Variants in RNF168 observed in about 807,000 individuals in gnomAD.
The protein encoded by RNF168 is ring finger protein 168.
In RNF168, 34 loss-of-function variants were observed where a neutral mutation model predicts 34.9. The observed-to-expected ratio is 0.97, with a 90% confidence interval of 0.74 to 1.30. RNF168 has a LOEUF of 1.30. Ranked by LOEUF, RNF168 falls within the 50% of genes most tolerant of loss-of-function variation. The pLI is 0.00. For synonymous variants in RNF168, 264 were observed against 254.7 expected (o/e 1.04, Z -0.35); for missense variants, 725 against 682.5 (o/e 1.06, Z -0.69).
At chr3:196,496,507 C>A (rs542224706) in intron 1 of RNF168, among the ~76,000 whole-genome samples, 4 of 152,260 alleles carry the variant, frequency 2.6e-5, no homozygotes, top group East Asian at 3.9e-4. Context: ...TGGATTAGGG[C>A]CCATTCTAAT....
intron 1 of RNF168, among the ~76,000 whole-genome samples, chr3:196,501,757 T>C (rs1052742057): frequency 1.3e-5 from 2 of 152,088 alleles, no homozygotes; most frequent in Non-Finnish European, 2.9e-5. Context: ...CCAAAAACCA[T>C]TAAATTGCAC....
intron 5 of RNF168, among the ~76,000 whole-genome samples, chr3:196,473,825 A>G (rs1732072817): frequency 1.1e-5 from 1 of 88,410 alleles, no homozygotes; most frequent in Non-Finnish European, 2.2e-5. Flanking sequence ...TAAACAAAAC[A>G]AAACAAACAA....
In RNF168 at chr3:196,493,855, A is replaced by T. The variant is rs1403120250; in HGVS notation, c.302-5172T>A. 7.4e-3 allele frequency among the ~76,000 whole-genome samples: 953 copies of T among 128,158 alleles called. 6 individuals carry two copies. Among genetic ancestry groups the T allele is most frequent in the African/African-American group, 0.024 (736 of 30,448 alleles). 84.1% of individuals were successfully genotyped at this position (128,158 alleles called of 152,430 possible). On this transcript the variant is annotated intron_variant, in intron 1 of 5. Coordinates refer to ENST00000318037, the MANE Select transcript of RNF168 (RefSeq NM_152617.4). ...GCTATTTCTTTCTTTTTTTAAATTT[A>T]TTTTTTTTTTTTTTTGAGACAGAGT...
In RNF168 at chr3:196,469,793, TTA is replaced by T. The variant is rs1731955909; in HGVS notation, c.*2024_*2025del. 6.6e-6 allele frequency: 1 copy of T among 152,180 alleles called. No homozygotes were observed. Among genetic ancestry groups the T allele is most frequent in the Non-Finnish European group, 1.5e-5 (1 of 68,032 alleles). 9.4% of individuals were successfully genotyped at this position (152,180 alleles called of 1,614,324 possible). A position where few individuals can be genotyped will look rare whatever the true frequency, so the allele number is the denominator to read the frequency against. ...AATGATCATATAAGAAAACACGTGG[TTA>T]TGTTTCAGGTTCCACAACATAAGAC... On this transcript the variant is annotated 3_prime_UTR_variant, in exon 6 of 6. Transcript: ENST00000318037.
chr3:196,494,272 G>A (rs1430868988), intron 1 of RNF168, among the ~76,000 whole-genome samples: 1 of 152,120 alleles, frequency 6.6e-6, no homozygotes, highest in Non-Finnish European at 1.5e-5. Flanking sequence ...CTTCAGTTCT[G>A]GTTAACTCTA....
rs369862987 is a variant in RNF168, at chr3:196,489,919, T to TA, written c.302-1237dup. 4.9e-3 allele frequency among the ~76,000 whole-genome samples: 744 copies of TA among 152,310 alleles called. 3 individuals carry two copies. Among genetic ancestry groups the TA allele is most frequent in the African/African-American group, 0.017 (701 of 41,564 alleles). On this transcript the variant is annotated intron_variant, in intron 1 of 5. Coordinates refer to ENST00000318037, the MANE Select transcript of RNF168 (RefSeq NM_152617.4). ...GCAGGTGCACACACGCATATTTCTT[T>TA]AAAGAAACAGATCTAGAGAGAGCCA... is the stretch of plus-strand genomic sequence containing the variant.
At chr3:196,481,492 G>C (rs1732288431) in intron 4 of RNF168, among the ~76,000 whole-genome samples, 2 of 151,748 alleles carry the variant, frequency 1.3e-5, no homozygotes, top group African/African-American at 4.8e-5. Flanking sequence ...TATGATATGT[G>C]ATGTAAGATT....
intron 4 of RNF168, among the ~76,000 whole-genome samples, chr3:196,477,809 C>T (rs980612761): frequency 6.6e-6 from 1 of 152,054 alleles, no homozygotes; most frequent in Admixed American, 6.6e-5. Flanking sequence ...CAGAACTGGC[C>T]GTGGTGGTTC....
chr3:196,468,797 A>G lies in RNF168; in HGVS notation c.*3022T>C, dbSNP rs1311241778. 1 of 152,040 alleles carries G rather than the reference A, an allele frequency of 6.6e-6. No individual in the cohort carries two copies. Among genetic ancestry groups the G allele is most frequent in the Non-Finnish European group, 1.5e-5 (1 of 67,984 alleles). 9.4% of individuals were successfully genotyped at this position (152,040 alleles called of 1,614,324 possible). A position where few individuals can be genotyped will look rare whatever the true frequency, so the allele number is the denominator to read the frequency against. On this transcript the variant is annotated 3_prime_UTR_variant, in exon 6 of 6. Coordinates refer to ENST00000318037, the MANE Select transcript of RNF168 (RefSeq NM_152617.4). Reference sequence around the variant, plus strand: ...ATAATAATCCATTTTTATTTTTAGTATTTTATTTTTCAGATTCTCAGCCTC... The same window carrying G: ...ATAATAATCCATTTTTATTTTTAGTGTTTTATTTTTCAGATTCTCAGCCTC...
chr3:196,476,162 A>C (rs1049086138), intron 4 of RNF168, among the ~76,000 whole-genome samples: 1 of 152,082 alleles, frequency 6.6e-6, no homozygotes. Context: ...GCCCAGCGTA[A>C]ATATTTCTTA....
Position 196,471,929 on chromosome 3 carries a change from T to C in RNF168, c.1606A>G (p.Met536Val), listed in dbSNP as rs775856717. Reference sequence around the variant, plus strand: ...CAGTGATCTCTAGTAGAATTTGGCATCTTTCTTCTATTAACTGACTGCTTC... The same window carrying C: ...CAGTGATCTCTAGTAGAATTTGGCACCTTTCTTCTATTAACTGACTGCTTC... ...QLKQSVNRRK[M>V]PNSTRDHCKV... Residue 536 changes from methionine (M) to valine (V), a missense_variant, in exon 6 of 6, where the codon ATG becomes GTG. Transcript: ENST00000318037. 3.1e-6 allele frequency: 5 copies of C among 1,613,800 alleles called. No homozygotes were observed. In the African/African-American group the frequency reaches 6.7e-5, roughly 22 times the overall value.
At chr3:196,484,242 CT>C (rs1415982743) in intron 3 of RNF168, among the ~76,000 whole-genome samples, 1 of 143,550 alleles carries the variant, frequency 7.0e-6, no homozygotes, top group Non-Finnish European at 1.5e-5. Flanking sequence ...GCGATCTCGG[CT>C]CACTGCAAGC....
chr3:196,488,824 ATTTAT>A (rs1332972944), intron 1 of RNF168, 141 bp from the exon 2 acceptor site: 11 of 420,630 alleles, frequency 2.6e-5, no homozygotes, highest in Admixed American at 2.1e-4. Context: ...CATTTTTAAC[ATTTAT>A]TTTATTTATT....
chr3:196,475,644 G>A (rs536571240), intron 4 of RNF168, among the ~76,000 whole-genome samples: 2 of 145,652 alleles, frequency 1.4e-5, no homozygotes, highest in East Asian at 4.0e-4. Context: ...TCCGCCTCCC[G>A]AGTTCACGCC....
chr3:196,482,237 A>G (rs1377825148), intron 4 of RNF168, among the ~76,000 whole-genome samples: 1 of 152,176 alleles, frequency 6.6e-6, no homozygotes, highest in East Asian at 1.9e-4. Context: ...AGTTGTTTAG[A>G]AATTTTTCTT....
At chr3:196,487,344 G>A in intron 3 of RNF168, 55 bp downstream of exon 3, 1 of 1,417,840 alleles carries the variant, frequency 7.1e-7, no homozygotes, top group Non-Finnish European at 1.0e-6. Context: ...AGCGGGTTCT[G>A]CAGCAGCGCA....
rs78693705 is a variant in RNF168, at chr3:196,479,956, T to C, written c.680+3814A>G. ...AAGTCTGCCTCATGAAAACAAAGTTTATGAGAGAACAGTCATACAATACAT... is the reference window on the plus strand; with the variant it reads ...AAGTCTGCCTCATGAAAACAAAGTTCATGAGAGAACAGTCATACAATACAT... On this transcript the variant is annotated intron_variant, in intron 4 of 5. Coordinates refer to ENST00000318037, the MANE Select transcript of RNF168 (RefSeq NM_152617.4). Among the ~76,000 whole-genome samples, 1,017 of 152,240 alleles carry C rather than the reference T, an allele frequency of 6.7e-3. 16 individuals carry two copies. Among genetic ancestry groups the C allele is most frequent in the Middle Eastern group, 0.024 (7 of 294 alleles).
At chr3:196,482,701 A>G (rs1732326165) in intron 4 of RNF168, among the ~76,000 whole-genome samples, 1 of 152,212 alleles carries the variant, frequency 6.6e-6, no homozygotes, top group Non-Finnish European at 1.5e-5. Flanking sequence ...ATAACTAATG[A>G]TGTTAAACAT....
At chr3:196,483,735 A>T (rs765520759) in intron 4 of RNF168, 35 bp downstream of exon 4, 34 of 1,569,280 alleles carry the variant, frequency 2.2e-5, no homozygotes, top group Non-Finnish European at 2.6e-5. Flanking sequence ...ATACAGTAGG[A>T]GGTCAACAAA....
Sources: gnomAD v4.1 joint callset for allele counts (sites outside exome capture counted in the v4.1 genomes callset) on GRCh38, gnomAD v4.1.1 for gene constraint, MANE v1.5 for transcripts, NCBI Gene and HGNC (gene_info 2026-07-23, HGNC 2026-07-21) for gene names.